The following CREB5 variants were observed in gnomAD, a reference collection of about 807,000 sequenced individuals.
The protein encoded by CREB5 is cyclic AMP-responsive element-binding protein 5.
CREB5 carries 19 observed loss-of-function variants against 57.1 expected under a neutral mutation model. The observed-to-expected ratio is 0.33, with a 90% confidence interval of 0.23 to 0.49. The LOEUF (loss-of-function observed/expected upper bound fraction) is 0.49, where lower values mean the gene tolerates loss of function less well. CREB5 is among the 20% of genes least tolerant of loss of function. The probability of loss-of-function intolerance (pLI) is 0.99; values close to 1 mark genes in which losing one functional copy is unlikely to be tolerated. For synonymous variants in CREB5, 238 were observed against 238.3 expected (o/e 1.00, Z 0.01); for missense variants, 579 against 671.6 (o/e 0.86, Z 1.52).
At chr7:28,632,010 C>G (rs1316949652) in intron 5 of CREB5, among the ~76,000 whole-genome samples, 1 of 152,080 alleles carries the variant, frequency 6.6e-6, no homozygotes, top group Non-Finnish European at 1.5e-5. Context: ...TATAAGGGCA[C>G]TTTGTAACTA....
intron 4 of CREB5, among the ~76,000 whole-genome samples, chr7:28,555,480 A>C (rs12113184): frequency 0.032 from 4,884 of 152,332 alleles, 305 homozygotes; most frequent in African/African-American, 0.11. Context: ...CTTTTTAGGG[A>C]AGATTTAAAT....
At chr7:28,714,125 T>C (rs1241776995) in intron 5 of CREB5, among the ~76,000 whole-genome samples, 1 of 151,832 alleles carries the variant, frequency 6.6e-6, no homozygotes, top group African/African-American at 2.4e-5. Flanking sequence ...GCCTGGCTAG[T>C]TTTTGTGTAT....
chr7:28,796,370 C>T (rs1175817728), intron 7 of CREB5, among the ~76,000 whole-genome samples: 1 of 152,144 alleles, frequency 6.6e-6, no homozygotes, highest in Non-Finnish European at 1.5e-5. Context: ...GTGTTTCATT[C>T]CTTTGTACGG....
intron 5 of CREB5, among the ~76,000 whole-genome samples, chr7:28,705,984 A>C (rs552650256): frequency 6.6e-6 from 1 of 152,372 alleles, no homozygotes; most frequent in South Asian, 2.1e-4. Flanking sequence ...ATATCGAAAT[A>C]AAACAAGTCC....
intron 5 of CREB5, among the ~76,000 whole-genome samples, chr7:28,585,972 C>G (rs1054369238): frequency 1.3e-5 from 2 of 152,158 alleles, no homozygotes; most frequent in African/African-American, 4.8e-5. Context: ...GCTGCATAAC[C>G]TCCCTATTTG....
intron 5 of CREB5, chr7:28,686,088 A>G: frequency 6.3e-7 from 1 of 1,588,008 alleles, no homozygotes; most frequent in Non-Finnish European, 8.6e-7. Context: ...TGGGAAGGAT[A>G]TGACTCACTC....
At chr7:28,542,443 AAC>A (rs1794245067) in intron 4 of CREB5, among the ~76,000 whole-genome samples, 1 of 152,216 alleles carries the variant, frequency 6.6e-6, no homozygotes. Flanking sequence ...AAGGTGGTAA[AAC>A]ACTGGTTGTT....
intron 5 of CREB5, among the ~76,000 whole-genome samples, chr7:28,596,910 T>C (rs1485600700): frequency 6.6e-6 from 1 of 152,176 alleles, no homozygotes; most frequent in East Asian, 1.9e-4. Flanking sequence ...TTTAATGTCA[T>C]GTGAACCTTA....
chr7:28,427,623 C>A (rs1222578538), intron 1 of CREB5, among the ~76,000 whole-genome samples: 1 of 151,912 alleles, frequency 6.6e-6, no homozygotes, highest in Non-Finnish European at 1.5e-5. Context: ...ATTGTATTTC[C>A]CCACGGTGCC....
At chr7:28,696,088 C>A (rs1801543305) in intron 5 of CREB5, among the ~76,000 whole-genome samples, 1 of 152,240 alleles carries the variant, frequency 6.6e-6, no homozygotes, top group Non-Finnish European at 1.5e-5. Context: ...TCACAAGATT[C>A]TTCACAGCCA....
chr7:28,469,244 A>G (rs994171358), intron 1 of CREB5, among the ~76,000 whole-genome samples: 2 of 152,150 alleles, frequency 1.3e-5, no homozygotes, highest in Admixed American at 6.6e-5. Flanking sequence ...ATAAAAATTA[A>G]AAATATAAGA....
intron 1 of CREB5, among the ~76,000 whole-genome samples, chr7:28,368,809 G>A (rs1363714838): frequency 6.6e-6 from 1 of 152,254 alleles, no homozygotes; most frequent in Admixed American, 6.5e-5. Context: ...CATTTTGGGA[G>A]GCTGGAGCAG....
intron 1 of CREB5, among the ~76,000 whole-genome samples, chr7:28,372,173 AGATT>A (rs1301416212): frequency 1.3e-5 from 2 of 152,228 alleles, no homozygotes; most frequent in African/African-American, 4.8e-5. Context: ...CAAGAAAGGC[AGATT>A]GATTGATGAT....
At chr7:28,557,825 G>C (rs1794936707) in intron 4 of CREB5, among the ~76,000 whole-genome samples, 1 of 152,168 alleles carries the variant, frequency 6.6e-6, no homozygotes, top group Admixed American at 6.5e-5. Flanking sequence ...CAGAGTGATG[G>C]GGTAGAGTAG....
chr7:28,469,701 A>G (rs192515921), intron 1 of CREB5, among the ~76,000 whole-genome samples: 64 of 152,284 alleles, frequency 4.2e-4, no homozygotes, highest in African/African-American at 1.5e-3. Flanking sequence ...AGCACTTACC[A>G]TGTGCCAGAC....
At chr7:28,385,920 T>C (rs1787088127) in intron 1 of CREB5, among the ~76,000 whole-genome samples, 1 of 152,142 alleles carries the variant, frequency 6.6e-6, no homozygotes, top group Admixed American at 6.6e-5. Flanking sequence ...AATCATGGTC[T>C]CTGGCCTGCA....
At chr7:28,511,686 G>C (rs557778091) in intron 4 of CREB5, among the ~76,000 whole-genome samples, 12 of 152,178 alleles carry the variant, frequency 7.9e-5, no homozygotes, top group Middle Eastern at 6.8e-3. Context: ...GGGTTTCACC[G>C]TGTTGCCCAG....
intron 2 of CREB5, among the ~76,000 whole-genome samples, chr7:28,493,662 C>G (rs79775751): frequency 0.018 from 2,810 of 152,200 alleles, 58 homozygotes; most frequent in African/African-American, 0.051. Context: ...ATTCATTACT[C>G]AATGGGCAGA....
intron 1 of CREB5, among the ~76,000 whole-genome samples, chr7:28,396,438 G>A (rs368070393): frequency 7.2e-5 from 11 of 152,060 alleles, no homozygotes; most frequent in African/African-American, 2.7e-4. Context: ...AGCTGGTATG[G>A]CATACGTATC....
Sources: gnomAD v4.1 joint callset for allele counts (sites outside exome capture counted in the v4.1 genomes callset) on GRCh38, gnomAD v4.1.1 for gene constraint, MANE v1.5 for transcripts, NCBI Gene and HGNC (gene_info 2026-07-23, HGNC 2026-07-21) for gene names.